The following GPR107 variants were observed in gnomAD, a reference collection of about 807,000 sequenced individuals.
The protein encoded by GPR107 is G protein-coupled receptor 107.
In GPR107, 31 loss-of-function variants were observed where a neutral mutation model predicts 75.5. The observed-to-expected ratio is 0.41, with a 90% confidence interval of 0.31 to 0.55. The LOEUF is 0.55. GPR107 is among the 20% of genes least tolerant of loss of function. The probability of loss-of-function intolerance (pLI) is 0.26; values close to 1 mark genes in which losing one functional copy is unlikely to be tolerated. For missense variants in GPR107, 572 were observed against 665.7 expected, an observed-to-expected ratio of 0.86 and a Z score of 1.55; for synonymous variants, 267 against 251.3, an observed-to-expected ratio of 1.06 and a Z score of -0.59.
At chr9:130,086,163 C>G (rs917376730) in intron 6 of GPR107, among the ~76,000 whole-genome samples, 2 of 151,928 alleles carry the variant, frequency 1.3e-5, no homozygotes, top group Non-Finnish European at 2.9e-5. Flanking sequence ...GCTGTCTAGC[C>G]GAAAGATTCA....
rs554796142 is a variant in GPR107 at position 130,092,439 on chromosome 9, T to C, written c.863+58T>C. On this transcript the variant is annotated intron_variant, in intron 9 of 17. Coordinates refer to ENST00000347136, the MANE Select transcript of GPR107 (RefSeq NM_020960.5). ...GTTGAGATTTGAATAATGTCACTGT[T>C]TGTTGGCTCCTGAACCTGGAGGCAG... 4.0e-5 allele frequency: 58 copies of C among 1,455,954 alleles called. No individual in the cohort carries two copies. In the African/African-American group the frequency reaches 5.2e-4, roughly 13 times the overall value. 90.2% of individuals were successfully genotyped at this position (1,455,954 alleles called of 1,614,324 possible). A position where few individuals can be genotyped will look rare whatever the true frequency, so the allele number is the denominator to read the frequency against.
At chr9:130,066,635 G>A (rs1475269741) in intron 1 of GPR107, among the ~76,000 whole-genome samples, 1 of 152,184 alleles carries the variant, frequency 6.6e-6, no homozygotes, top group Non-Finnish European at 1.5e-5. Context: ...ACAGTGTACT[G>A]TCGCAGCAGT....
intron 14 of GPR107, among the ~76,000 whole-genome samples, chr9:130,107,750 G>T (rs1258087418): frequency 6.6e-6 from 1 of 152,178 alleles, no homozygotes. Context: ...GAGGTTGGGG[G>T]TGACTGCTGC....
intron 14 of GPR107, among the ~76,000 whole-genome samples, chr9:130,121,811 T>C (rs1011596880): frequency 6.6e-6 from 1 of 152,240 alleles, no homozygotes; most frequent in African/African-American, 2.4e-5. Flanking sequence ...TCTGGCTGAT[T>C]TTCTTAGTGA....
At chr9:130,099,644 A>G (rs1589511528) in intron 10 of GPR107, 112 bp downstream of exon 10, 1 of 665,284 alleles carries the variant, frequency 1.5e-6, no homozygotes, top group East Asian at 2.6e-5. Context: ...AAGACAAAGA[A>G]TACATTTCTC....
chr9:130,072,486 C>T (rs1333121012), intron 1 of GPR107, among the ~76,000 whole-genome samples: 5 of 151,478 alleles, frequency 3.3e-5, no homozygotes, highest in East Asian at 1.9e-4. Flanking sequence ...CCCAAAGTGC[C>T]GGGATTACAG....
chr9:130,112,756 A>AT lies in GPR107; in HGVS notation c.1306+5220dup, dbSNP rs1215776414. On this transcript the variant is annotated intron_variant, in intron 14 of 17. Transcript: ENST00000347136. The surrounding 1 kb of genome is among the most constrained non-coding windows in gnomAD (Gnocchi z 4.0). ...TTTATTTTTTTGTTGTTTTTTATTT[A>AT]TTTATTTTTTTGAGACAGGGTCTTG... is the stretch of plus-strand genomic sequence containing the variant. Among the ~76,000 whole-genome samples, 13 of 151,076 alleles carry AT rather than the reference A, an allele frequency of 8.6e-5. No homozygotes were observed. The highest frequency in any genetic ancestry group is 2.1e-4 in the South Asian group (1 of 4,774).
At chr9:130,077,822 T>C (rs778965911) in intron 4 of GPR107, among the ~76,000 whole-genome samples, 3 of 152,186 alleles carry the variant, frequency 2.0e-5, no homozygotes, top group Non-Finnish European at 2.9e-5. Context: ...GTGATGATGG[T>C]ATCTGCCTCA....
chr9:130,057,551 A>C (rs1049443502), intron 1 of GPR107, among the ~76,000 whole-genome samples: 14 of 151,484 alleles, frequency 9.2e-5, no homozygotes, highest in African/African-American at 3.1e-4. Flanking sequence ...TATTGTGGAG[A>C]ATTTCCAATA....
chr9:130,099,117 C>T (rs1387638772), intron 9 of GPR107, among the ~76,000 whole-genome samples: 1 of 152,078 alleles, frequency 6.6e-6, no homozygotes, highest in Admixed American at 6.6e-5. Flanking sequence ...CAAGACCAGC[C>T]TGGGAAACTT....
chr9:130,090,450 C>G (rs1830705933), intron 7 of GPR107, among the ~76,000 whole-genome samples: 1 of 149,778 alleles, frequency 6.7e-6, no homozygotes, highest in Non-Finnish European at 1.5e-5. Context: ...AGCTTGAAGA[C>G]TAGATAACCA....
chr9:130,093,466 C>G (rs1830790312), intron 9 of GPR107, among the ~76,000 whole-genome samples: 1 of 152,126 alleles, frequency 6.6e-6, no homozygotes, highest in Admixed American at 6.5e-5. Flanking sequence ...TTCTCTGGAG[C>G]ATTGGGGTGG....
intron 6 of GPR107, among the ~76,000 whole-genome samples, chr9:130,084,658 C>T (rs1041124916): frequency 2.0e-5 from 3 of 151,628 alleles, no homozygotes; most frequent in African/African-American, 4.8e-5. Flanking sequence ...CGCCTGTGGT[C>T]GCAGCTGTTC....
At chr9:130,066,752 G>C (rs563382219) in intron 1 of GPR107, among the ~76,000 whole-genome samples, 1 of 152,098 alleles carries the variant, frequency 6.6e-6, no homozygotes, top group Non-Finnish European at 1.5e-5. Context: ...TTGGGAGGCC[G>C]AGGCAGGCAG....
chr9:130,109,979 A>C (rs564564893), intron 14 of GPR107, among the ~76,000 whole-genome samples: 1 of 152,282 alleles, frequency 6.6e-6, no homozygotes, highest in African/African-American at 2.4e-5. Flanking sequence ...AATGTGTAAA[A>C]ATCCCAAGGG....
At chr9:130,096,418 C>T (rs1471771480) in intron 9 of GPR107, among the ~76,000 whole-genome samples, 15 of 151,328 alleles carry the variant, frequency 9.9e-5, no homozygotes, top group African/African-American at 3.6e-4. Flanking sequence ...TCTCCCACTC[C>T]TTCCCAGTAG....
intron 14 of GPR107, among the ~76,000 whole-genome samples, chr9:130,107,813 C>G (rs532785748): frequency 6.6e-6 from 1 of 152,260 alleles, no homozygotes; most frequent in African/African-American, 2.4e-5. Context: ...TTCACCTTCT[C>G]AAAACTGAGT....
At chr9:130,061,128 T>C (rs1281694940) in intron 1 of GPR107, among the ~76,000 whole-genome samples, 1 of 152,206 alleles carries the variant, frequency 6.6e-6, no homozygotes, top group African/African-American at 2.4e-5. Flanking sequence ...TTCAGGTGTC[T>C]TTTATATACC....
intron 1 of GPR107, among the ~76,000 whole-genome samples, chr9:130,058,684 C>G (rs542860077): frequency 1.3e-5 from 2 of 152,068 alleles, no homozygotes; most frequent in East Asian, 1.9e-4. Context: ...AGGCTTGTCT[C>G]GAACTCCTGG....
Sources: gnomAD v4.1 joint callset for allele counts (sites outside exome capture counted in the v4.1 genomes callset) on GRCh38, gnomAD v4.1.1 for gene constraint, Gnocchi (gnomAD v3.1) non-coding constraint, MANE v1.5 for transcripts, NCBI Gene and HGNC (gene_info 2026-07-23, HGNC 2026-07-21) for gene names.